Variants in GNPAT observed in about 807,000 individuals in gnomAD.
GNPAT encodes dihydroxyacetone phosphate acyltransferase.
GNPAT carries 30 observed loss-of-function variants against 78.4 expected under a neutral mutation model. The observed-to-expected ratio is 0.38, with a 90% CI of 0.29 to 0.52. The LOEUF is 0.52. Ranked by LOEUF, GNPAT falls within the 20% of genes least tolerant of loss-of-function variation. GNPAT has a pLI of 0.84. For missense variants in GNPAT, 714 were observed against 812.2 expected (o/e 0.88, Z 1.47); for synonymous variants, 271 against 281.1 (o/e 0.96, Z 0.36).
In GNPAT at chr1:231,276,165, A is replaced by G; in HGVS notation, c.1968A>G (p.Glu656=). ...ATAACTGTATATTTAATGTGAATGAACCTGCCACAACCAAATTAGAAGAAA... is the reference window on the plus strand; with the variant it reads ...ATAACTGTATATTTAATGTGAATGAGCCTGCCACAACCAAATTAGAAGAAA... ...INNNCIFNVN[E]PATTKLEEML... Residue 656 remains glutamate, a synonymous_variant, in exon 15 of 16, where the codon GAA becomes GAG. Coordinates refer to ENST00000366647, the MANE Select transcript of GNPAT (RefSeq NM_014236.4). 2 of 1,391,770 alleles carry G rather than the reference A, an allele frequency of 1.4e-6. No homozygotes were observed. Among genetic ancestry groups the G allele is most frequent in the South Asian group, 2.4e-5 (2 of 84,088 alleles). The allele number at this position is 1,391,770 out of a possible 1,614,324, so 86.2% of individuals were successfully genotyped here. A position where few individuals can be genotyped will look rare whatever the true frequency, so the allele number is the denominator to read the frequency against.
intron 9 of GNPAT, chr1:231,269,726 CAT>C (rs1311210398): frequency 6.6e-6 from 1 of 152,166 alleles, no homozygotes; most frequent in Non-Finnish European, 1.5e-5. Context: ...GGCCCAGGAA[CAT>C]ATGAAAACAT....
At chr1:231,266,215 A>G (rs1403577710) in intron 7 of GNPAT, 50 bp downstream of exon 7, 1 of 1,612,824 alleles carries the variant, frequency 6.2e-7, no homozygotes, top group African/African-American at 1.3e-5. Flanking sequence ...TGACTGACAC[A>G]TCAACTAATT....
At chr1:231,252,517 A>G (rs749461777) in intron 2 of GNPAT, among the ~76,000 whole-genome samples, 5 of 152,178 alleles carry the variant, frequency 3.3e-5, no homozygotes, top group Non-Finnish European at 7.4e-5. Flanking sequence ...AAATGGATGC[A>G]TTGCAGGTGT....
In GNPAT at chr1:231,272,398, T is replaced by C; in HGVS notation, c.1602+7T>C. On this transcript the variant is annotated splice_region_variant and intron_variant, in intron 11 of 15. Coordinates refer to ENST00000366647, the MANE Select transcript of GNPAT (RefSeq NM_014236.4). ...TCCAGGAAACACACTAAAGGTAAAG[T>C]GCTTACAACAAAGAGCAAGTATGTT... The C allele has an allele frequency of 6.9e-7, 1 of 1,457,920 alleles. No homozygotes were observed. Among genetic ancestry groups the C allele is most frequent in the East Asian group, 2.3e-5 (1 of 43,912 alleles). 90.3% of individuals were successfully genotyped at this position (1,457,920 alleles called of 1,614,324 possible). A position where few individuals can be genotyped will look rare whatever the true frequency, so the allele number is the denominator to read the frequency against.
chr1:231,266,987 T>C (rs1017795036), intron 8 of GNPAT, among the ~76,000 whole-genome samples: 4 of 152,396 alleles, frequency 2.6e-5, no homozygotes, highest in Middle Eastern at 3.4e-3. Flanking sequence ...TTGTAACTTA[T>C]CTGTAGCTTT....
At chr1:231,271,496 A>G (rs1270404746) in intron 10 of GNPAT, among the ~76,000 whole-genome samples, 1 of 152,320 alleles carries the variant, frequency 6.6e-6, no homozygotes, top group African/African-American at 2.4e-5. Context: ...TCAAGGCCCT[A>G]TGTTAGAATT....
chr1:231,269,156 CAAG>C (rs1265580627), intron 9 of GNPAT, among the ~76,000 whole-genome samples: 3 of 151,708 alleles, frequency 2.0e-5, no homozygotes, highest in Non-Finnish European at 4.4e-5. Flanking sequence ...TGAACAGAGA[CAAG>C]GAGCAACATG....
rs759655998 is a variant in GNPAT, at chr1:231,262,620, G to C, written c.439-103G>C. The C allele has an allele frequency of 4.0e-5, 36 of 907,832 alleles. No homozygotes were observed. In the Admixed American group the frequency reaches 4.1e-4, roughly 10 times the overall value. The allele number at this position is 907,832 out of a possible 1,614,324, so 56.2% of individuals were successfully genotyped here. On this transcript the variant is annotated intron_variant, in intron 3 of 15. Coordinates refer to ENST00000366647, the MANE Select transcript of GNPAT (RefSeq NM_014236.4). ...GCAAAAAGGCAGAAAAAGAGGATGG[G>C]TATTCCCTCTAAATATAGACTTATT...
At chr1:231,252,068 G>T (rs75749737) in intron 2 of GNPAT, among the ~76,000 whole-genome samples, 11 of 152,220 alleles carry the variant, frequency 7.2e-5, no homozygotes, top group Non-Finnish European at 1.6e-4. Context: ...GTGCAAAGAT[G>T]TTGAAAGGTT....
At chr1:231,265,639 G>T (rs1685360061) in intron 5 of GNPAT, 73 bp from the exon 6 acceptor site, 4 of 989,414 alleles carry the variant, frequency 4.0e-6, no homozygotes, top group Non-Finnish European at 6.5e-6. Flanking sequence ...CTTGGGAAAA[G>T]GAATCAAAAG....
intron 1 of GNPAT, among the ~76,000 whole-genome samples, chr1:231,249,062 T>A (rs963311749): frequency 6.6e-6 from 1 of 152,222 alleles, no homozygotes; most frequent in Non-Finnish European, 1.5e-5. Flanking sequence ...GATCCTTTTC[T>A]CCTTCCACTC....
intron 4 of GNPAT, among the ~76,000 whole-genome samples, chr1:231,264,518 TG>T (rs1685320624): frequency 6.6e-6 from 1 of 152,214 alleles, no homozygotes; most frequent in Non-Finnish European, 1.5e-5. Flanking sequence ...TATACACGTT[TG>T]TTAATAAATG....
At chr1:231,259,424 G>C (rs141382884) in intron 2 of GNPAT, among the ~76,000 whole-genome samples, 1 of 151,878 alleles carries the variant, frequency 6.6e-6, no homozygotes, top group African/African-American at 2.4e-5. Context: ...GAGGCGGGCG[G>C]ATCACCTGAG....
chr1:231,262,646 C>G lies in GNPAT; in HGVS notation c.439-77C>G, dbSNP rs796370522. ...TATTCCCTCTAAATATAGACTTATT[C>G]TTCCGTTTTCTGATTTGAGATGTGA... On this transcript the variant is annotated intron_variant, in intron 3 of 15. Coordinates refer to ENST00000366647, the MANE Select transcript of GNPAT (RefSeq NM_014236.4). The G allele has an allele frequency of 2.8e-5, 32 of 1,155,902 alleles. 1 individual carries two copies. The African/African-American group carries it at 4.7e-4, about 17-fold the overall frequency. 71.6% of individuals were successfully genotyped at this position (1,155,902 alleles called of 1,614,324 possible).
chr1:231,266,442 G>A (rs1448297944), intron 8 of GNPAT, 35 bp downstream of exon 8: 2 of 1,594,816 alleles, frequency 1.3e-6, no homozygotes, highest in African/African-American at 2.7e-5. Context: ...TCTTAGAAAT[G>A]AGGATTAAAA....
chr1:231,247,226 T>C (rs1316831096), intron 1 of GNPAT, among the ~76,000 whole-genome samples: 2 of 152,102 alleles, frequency 1.3e-5, no homozygotes, highest in Non-Finnish European at 2.9e-5. Flanking sequence ...ATTTGAGCCT[T>C]ATACTGTGAA....
rs115363055 is a variant in GNPAT at position 231,248,544 on chromosome 1, A to G, written c.79-2417A>G. Among the ~76,000 whole-genome samples, 1,241 of 152,094 alleles carry G rather than the reference A, an allele frequency of 8.2e-3. 12 individuals are homozygous for G. The highest frequency in any genetic ancestry group is 0.012 in the Non-Finnish European group (785 of 67,992). On this transcript the variant is annotated intron_variant, in intron 1 of 15. Coordinates refer to ENST00000366647, the MANE Select transcript of GNPAT (RefSeq NM_014236.4). ...GGAGTTTCAGACCAGCTTGGGCAAC[A>G]TAGCAAGACCCCCGTCTCTATTGAA...
intron 2 of GNPAT, among the ~76,000 whole-genome samples, chr1:231,258,797 A>AT (rs1194823491): frequency 0.011 from 1,552 of 143,920 alleles, 33 homozygotes; most frequent in African/African-American, 0.037. Context: ...CACCCAGCTA[A>AT]TTTTTTTTTT....
At position 231,241,255 on chromosome 1, in the gene GNPAT, C is replaced by A; in HGVS notation, c.-124C>A. 2 of 1,443,364 alleles carry A rather than the reference C, an allele frequency of 1.4e-6. No individual in the cohort carries two copies. Among genetic ancestry groups the A allele is most frequent in the South Asian group, 1.1e-5 (1 of 87,584 alleles). 89.4% of individuals were successfully genotyped at this position (1,443,364 alleles called of 1,614,324 possible). A position where few individuals can be genotyped will look rare whatever the true frequency, so the allele number is the denominator to read the frequency against. ...CGGCGCCCGGGATCCTGTGTAGCGG[C>A]TGCAGAGGGTGCCGCCGCCCTAGGC... On this transcript the variant is annotated 5_prime_UTR_variant, in exon 1 of 16. In the 5' UTR this introduces an upstream ATG that the reference lacks. Transcript: ENST00000366647.
Sources: allele counts gnomAD v4.1 joint callset (sites outside exome capture counted in the v4.1 genomes callset), GRCh38; gene constraint gnomAD v4.1.1; transcripts MANE v1.5; gene names NCBI Gene and HGNC (gene_info 2026-07-23, HGNC 2026-07-21).